Variants in HSPH1 observed in about 807,000 individuals in gnomAD.
HSPH1 encodes the protein heat shock protein 105 kDa.
In HSPH1, 40 loss-of-function variants were observed where a neutral mutation model predicts 100.0. That is an observed-to-expected ratio of 0.40 (90% CI 0.31 to 0.52). The LOEUF is 0.52. Among genes scored for constraint, HSPH1 ranks in the 20% least tolerant of loss-of-function variants. The pLI is 0.54. For missense variants in HSPH1, 876 were observed against 1,015.1 expected (o/e 0.86, Z 1.86); for synonymous variants, 403 against 344.0 (o/e 1.17, Z -1.90).
rs1956179704 is a variant in HSPH1, at chr13:31,143,782, A to G, written c.1716+10T>C. ...ATTGTCTAATGGAATGAACTAGAAG[A>G]GTCACTCACTTTGTCAGCATCTGGG... On this transcript the variant is annotated intron_variant, in intron 12 of 17. Transcript: ENST00000320027. 2 of 1,601,942 alleles carry G rather than the reference A, an allele frequency of 1.2e-6. No homozygotes were observed. Among genetic ancestry groups the G allele is most frequent in the Non-Finnish European group, 1.7e-6 (2 of 1,174,258 alleles).
Position 31,138,495 on chromosome 13 carries a change from C to T in HSPH1, c.2282G>A (p.Trp761Ter), listed in dbSNP as rs751359930. ...VEKSVNEVME[W>*]MNNVMNAQAK... ...CTGAGCATTCATGACATTATTCATC[C>T]ATTCCATCACTTCATTAACAGACTT... The change falls in exon 17 of 18, where the codon TGG becomes TAG. Residue 761 changes from tryptophan (W) to a stop codon, truncating the protein, a stop_gained. Transcript: ENST00000320027. LOFTEE classifies it high-confidence loss of function. 1 of 1,612,870 alleles carries T rather than the reference C, an allele frequency of 6.2e-7. No homozygotes were observed.
At chr13:31,155,467 A>C (rs1157478390) in intron 3 of HSPH1, 47 bp downstream of exon 3, 2 of 1,436,424 alleles carry the variant, frequency 1.4e-6, no homozygotes, top group Non-Finnish European at 1.9e-6. Context: ...TCGTATTTTT[A>C]AGTATTAATA....
chr13:31,162,150 C>G (rs548347253), upstream of HSPH1: 2 of 1,475,690 alleles, frequency 1.4e-6, no homozygotes, highest in African/African-American at 2.8e-5. Flanking sequence ...CGCCCACTCC[C>G]GCCCTAGCCA....
intron 2 of HSPH1, among the ~76,000 whole-genome samples, chr13:31,157,817 G>A (rs935049985): frequency 1.3e-5 from 2 of 152,114 alleles, no homozygotes; most frequent in East Asian, 1.9e-4. Context: ...TAGCAGCCAC[G>A]TTAAAAACTG....
At chr13:31,157,084 C>T (rs1360015147) in intron 2 of HSPH1, among the ~76,000 whole-genome samples, 2 of 152,222 alleles carry the variant, frequency 1.3e-5, no homozygotes, top group East Asian at 1.9e-4. Flanking sequence ...GGGAAGAATA[C>T]AGTTAGCTTG....
chr13:31,154,309 T>C, intron 4 of HSPH1: 1 of 353,534 alleles, frequency 2.8e-6, no homozygotes, highest in Non-Finnish European at 5.4e-6. Context: ...TTCTTTCACC[T>C]GTGAAAAGCT....
At position 31,161,767 on chromosome 13, in the gene HSPH1, C is replaced by G. The variant is rs113138786; in HGVS notation, c.-185G>C. On this transcript the variant is annotated 5_prime_UTR_variant, in exon 1 of 18. Coordinates refer to ENST00000320027, the MANE Select transcript of HSPH1 (RefSeq NM_006644.4). The stretch of plus-strand genomic sequence containing the variant: ...GCCTGTCAGGAGCCTCCTACTCCCC[C>G]GGGGACAGCGGCGGCTGGCTGATAA... 1.1e-5 allele frequency: 17 copies of G among 1,509,012 alleles called. No individual in the cohort carries two copies. The African/African-American group carries it at 1.4e-4, about 12-fold the overall frequency. The allele number at this position is 1,509,012 out of a possible 1,614,324, so 93.5% of individuals were successfully genotyped here.
chr13:31,138,383 T>C (rs779659197), intron 17 of HSPH1, 24 bp downstream of exon 17: 2 of 1,607,806 alleles, frequency 1.2e-6, no homozygotes, highest in African/African-American at 2.7e-5. Flanking sequence ...AACCCAGCAG[T>C]AAACACGAGA....
chr13:31,140,524 A>G (rs1407416024), intron 13 of HSPH1: 1 of 358,242 alleles, frequency 2.8e-6, no homozygotes, highest in Non-Finnish European at 5.1e-6. Context: ...TAACATTGTA[A>G]CCGATTACAC....
Position 31,151,703 on chromosome 13 carries a change from C to A in HSPH1, c.569G>T (p.Ser190Ile), listed in dbSNP as rs201655272. ...CACTATCCGAGGTTTCTCATCCAGG[C>A]TTGGGAGATCCTGCTTATAAATTCC... ...NYGIYKQDLPSLDEKPRIVVF... is the reference protein window; with the variant it reads ...NYGIYKQDLPILDEKPRIVVF... Residue 190 changes from serine to isoleucine, a missense_variant, in exon 6 of 18, where the codon AGC becomes ATC. By Grantham distance (142) the Ser-to-Ile change is moderately radical. Coordinates refer to ENST00000320027, the MANE Select transcript of HSPH1 (RefSeq NM_006644.4). 5.0e-6 allele frequency: 8 copies of A among 1,611,678 alleles called. No homozygotes were observed. In the East Asian group the frequency reaches 8.9e-5, roughly 18 times the overall value.
rs1956468340 is a variant in HSPH1, at chr13:31,151,042, T to C, written c.813A>G (p.Glu271=). The change falls in exon 7 of 18, where the codon GAA becomes GAG. Residue 271 remains glutamate (E), a synonymous_variant. Transcript: ENST00000320027. ...RALLRLYQEC[E]KLKKLMSSNS... ...TAGAGCTCATTAGCTTTTTCAGTTTTTCACATTCCTGATACAGACGTAGGA... is the reference window on the plus strand; with the variant it reads ...TAGAGCTCATTAGCTTTTTCAGTTTCTCACATTCCTGATACAGACGTAGGA... 1 of 1,613,756 alleles carries C rather than the reference T, an allele frequency of 6.2e-7. No individual in the cohort carries two copies. The highest frequency in any genetic ancestry group is 1.3e-5 in the African/African-American group (1 of 74,928).
At chr13:31,142,233 A>G (rs1353123070) in intron 12 of HSPH1, among the ~76,000 whole-genome samples, 1 of 152,114 alleles carries the variant, frequency 6.6e-6, no homozygotes, top group Non-Finnish European at 1.5e-5. Context: ...TAAAAATCTT[A>G]GGCACTTTAT....
intron 3 of HSPH1, among the ~76,000 whole-genome samples, chr13:31,154,999 A>G (rs1956629828): frequency 6.6e-6 from 1 of 152,212 alleles, no homozygotes. Context: ...AGAGGAGCGG[A>G]AGAAAGCTAG....
intron 10 of HSPH1, 69 bp from the exon 11 acceptor site, chr13:31,145,837 G>C: frequency 1.4e-6 from 2 of 1,434,218 alleles, no homozygotes; most frequent in Non-Finnish European, 1.9e-6. Flanking sequence ...CTCTGTAGAG[G>C]AGGCCAGGTG....
At chr13:31,155,384 A>G (rs1249117771) in intron 3 of HSPH1, 130 bp downstream of exon 3, 9 of 621,654 alleles carry the variant, frequency 1.4e-5, no homozygotes, top group Admixed American at 3.2e-5. Flanking sequence ...ATACTTTAAA[A>G]GGAGCTGAAT....
intron 6 of HSPH1, 162 bp downstream of exon 6, chr13:31,151,447 A>T: frequency 4.3e-6 from 3 of 694,272 alleles, no homozygotes; most frequent in Non-Finnish European, 4.6e-6. Flanking sequence ...CAATTACATC[A>T]TCTTTATGGA....
intron 10 of HSPH1, among the ~76,000 whole-genome samples, chr13:31,146,185 AC>A (rs199641827): frequency 0.012 from 1,781 of 152,262 alleles, 18 homozygotes; most frequent in Non-Finnish European, 0.017. Flanking sequence ...TAAGAAAAAT[AC>A]AAAGGCTAAA....
At chr13:31,157,269 A>C (rs1343648272) in intron 2 of HSPH1, among the ~76,000 whole-genome samples, 1 of 152,248 alleles carries the variant, frequency 6.6e-6, no homozygotes, top group South Asian at 2.1e-4. Context: ...TAGGCTATCA[A>C]TATCCTCAAT....
At position 31,138,552 on chromosome 13, in the gene HSPH1, T is replaced by C. The variant is rs750119452; in HGVS notation, c.2225A>G (p.His742Arg). ...DFRNKDEKYN[H>R]IDESEMKKVE... ...TTTTTTCATTTCAGACTCATCAATA[T>C]GGTTGTATTTCTCATCCTGAACAAA... is the stretch of plus-strand genomic sequence containing the variant. The change falls in exon 17 of 18, where the codon CAT becomes CGT. Residue 742 changes from histidine (H) to arginine (R), a missense_variant. His to Arg is a conservative substitution (Grantham distance 29). Coordinates refer to ENST00000320027, the MANE Select transcript of HSPH1 (RefSeq NM_006644.4). The C allele has an allele frequency of 6.2e-7, 1 of 1,609,664 alleles. No individual in the cohort carries two copies. The highest frequency in any genetic ancestry group is 1.7e-5 in the Admixed American group (1 of 58,782).
Sources: allele counts gnomAD v4.1 joint callset (sites outside exome capture counted in the v4.1 genomes callset), GRCh38; gene constraint gnomAD v4.1.1; transcripts MANE v1.5; gene names NCBI Gene and HGNC (gene_info 2026-07-23, HGNC 2026-07-21).